Variants in C1QTNF3 observed in about 807,000 individuals in gnomAD.
The protein encoded by C1QTNF3 is C1q and TNF related 3.
In C1QTNF3, 26 loss-of-function variants were observed where a neutral mutation model predicts 32.6. The ratio of observed to expected loss-of-function variants is 0.80; its 90% CI spans 0.58 to 1.11. The LOEUF is 1.11. C1QTNF3 is among the 50% of genes least tolerant of loss of function. C1QTNF3 has a pLI of 0.00. For missense variants in C1QTNF3, 362 were observed against 398.2 expected (o/e 0.91, Z 0.77); for synonymous variants, 155 against 146.0 (o/e 1.06, Z -0.44).
At chr5:34,222,079 T>G in the C1QTNF3 span, among the ~76,000 whole-genome samples, 2 of 152,086 alleles carry the variant, frequency 1.3e-5, no homozygotes, top group Admixed American at 1.3e-4. Flanking sequence ...TCGCTTGTGG[T>G]ATTATCTATC....
At chr5:34,224,595 C>T in the C1QTNF3 span, among the ~76,000 whole-genome samples, 16 of 152,078 alleles carry the variant, frequency 1.1e-4, no homozygotes, top group Non-Finnish European at 1.8e-4. Context: ...AACTGGCTAG[C>T]CATATGGAGA....
chr5:34,035,850 C>T, intron 1 of C1QTNF3, 92 bp from the exon 2 acceptor site: 1 of 897,464 alleles, frequency 1.1e-6, no homozygotes, highest in East Asian at 2.6e-5. Flanking sequence ...CTTAGGTAAG[C>T]TTAATTCCAA....
At chr5:34,170,258 A>G in the C1QTNF3 span, among the ~76,000 whole-genome samples, 391 of 152,294 alleles carry the variant, frequency 2.6e-3, 1 homozygote, top group African/African-American at 9.0e-3. Flanking sequence ...AGAGAAGACC[A>G]CAGTGGTTTC....
At chr5:34,212,668 T>C in the C1QTNF3 span, among the ~76,000 whole-genome samples, 139 of 150,886 alleles carry the variant, frequency 9.2e-4, 2 homozygotes, top group East Asian at 0.025. Flanking sequence ...TCACCATCAC[T>C]GGCCATCAGA....
the C1QTNF3 span, among the ~76,000 whole-genome samples, chr5:34,087,898 T>A: frequency 5.3e-5 from 8 of 152,260 alleles, no homozygotes; most frequent in Non-Finnish European, 1.2e-4. Context: ...TATTTTTTTA[T>A]TACTGAAAAA....
At chr5:34,174,973 T>C in the C1QTNF3 span, among the ~76,000 whole-genome samples, 3 of 151,452 alleles carry the variant, frequency 2.0e-5, no homozygotes, top group African/African-American at 7.3e-5. Context: ...GGTCTCGATC[T>C]CCTGACCTCA....
At chr5:34,067,571 A>G in the C1QTNF3 span, among the ~76,000 whole-genome samples, 1 of 152,196 alleles carries the variant, frequency 6.6e-6, no homozygotes, top group Non-Finnish European at 1.5e-5. Context: ...AGATCTCATG[A>G]GACTTATTCA....
chr5:34,212,816 A>T, the C1QTNF3 span, among the ~76,000 whole-genome samples: 1 of 149,890 alleles, frequency 6.7e-6, no homozygotes, highest in African/African-American at 2.5e-5. Flanking sequence ...GGGACTGTAA[A>T]CTAGTTCAAC....
chr5:34,034,788 C>T (rs890304086), intron 2 of C1QTNF3, among the ~76,000 whole-genome samples: 1 of 152,138 alleles, frequency 6.6e-6, no homozygotes, highest in African/African-American at 2.4e-5. Context: ...GGCTGCTGTC[C>T]TTGATGGCCA....
the C1QTNF3 span, among the ~76,000 whole-genome samples, chr5:34,238,177 C>A: frequency 1.4e-4 from 22 of 152,036 alleles, no homozygotes; most frequent in Non-Finnish European, 1.6e-4. Flanking sequence ...GAACACTAAC[C>A]CTACCAGAAG....
At chr5:34,025,243 C>T (rs1299856675) in intron 4 of C1QTNF3, among the ~76,000 whole-genome samples, 1 of 152,184 alleles carries the variant, frequency 6.6e-6, no homozygotes, top group Non-Finnish European at 1.5e-5. Flanking sequence ...TAGTTTTTCA[C>T]ATTTTACAAA....
the C1QTNF3 span, among the ~76,000 whole-genome samples, chr5:34,140,462 A>G: frequency 2.6e-5 from 4 of 152,228 alleles, no homozygotes; most frequent in Admixed American, 2.0e-4. Flanking sequence ...AGTTATTAAC[A>G]CTGTCCAATA....
At chr5:34,216,469 T>C in the C1QTNF3 span, among the ~76,000 whole-genome samples, 1 of 152,224 alleles carries the variant, frequency 6.6e-6, no homozygotes, top group African/African-American at 2.4e-5. Context: ...ATTTTTTTTC[T>C]TGGCATGTGA....
chr5:34,217,556 C>A, the C1QTNF3 span, among the ~76,000 whole-genome samples: 1 of 152,098 alleles, frequency 6.6e-6, no homozygotes, highest in Non-Finnish European at 1.5e-5. Context: ...AAAAGACATA[C>A]CTCCCTAATG....
the C1QTNF3 span, among the ~76,000 whole-genome samples, chr5:34,214,905 T>C: frequency 2.6e-5 from 4 of 152,344 alleles, no homozygotes; most frequent in East Asian, 7.7e-4. Context: ...AAAAATTATG[T>C]AATTTACTAA....
the C1QTNF3 span, among the ~76,000 whole-genome samples, chr5:34,138,836 C>T: frequency 6.6e-6 from 1 of 152,126 alleles, no homozygotes; most frequent in African/African-American, 2.4e-5. Context: ...AGTTACAACA[C>T]AAGCATCATT....
At chr5:34,072,381 GA>G in the C1QTNF3 span, among the ~76,000 whole-genome samples, 9 of 147,826 alleles carry the variant, frequency 6.1e-5, no homozygotes, top group Non-Finnish European at 1.3e-4. Flanking sequence ...GAGAAAGAAA[GA>G]AAGAAAGAAA....
At chr5:34,156,516 G>C in the C1QTNF3 span, among the ~76,000 whole-genome samples, 2 of 152,160 alleles carry the variant, frequency 1.3e-5, no homozygotes, top group Non-Finnish European at 2.9e-5. Flanking sequence ...ATACTATGTG[G>C]TTAACTAATT....
Position 34,031,036 on chromosome 5 carries a change from C to G in C1QTNF3, c.571-2153G>C, listed in dbSNP as rs1293629530. On this transcript the variant is annotated intron_variant, in intron 3 of 5. Transcript: ENST00000382065. The stretch of plus-strand genomic sequence containing the variant: ...ATCTGTACAACAAATCCCCACGACA[C>G]AAGTTTAACTATGTAAAAAACCTGC... 2.6e-5 allele frequency among the ~76,000 whole-genome samples: 4 copies of G among 151,970 alleles called. No individual in the cohort carries two copies. In the East Asian group the frequency reaches 5.8e-4, roughly 22 times the overall value.
Sources: gnomAD v4.1 joint callset for allele counts (sites outside exome capture counted in the v4.1 genomes callset) on GRCh38, gnomAD v4.1.1 for gene constraint, MANE v1.5 for transcripts, NCBI Gene and HGNC (gene_info 2026-07-23, HGNC 2026-07-21) for gene names.